The following RNF213 variants were observed in gnomAD, a reference collection of about 807,000 sequenced individuals.
The protein encoded by RNF213 is ring finger protein 213.
In RNF213, 341 loss-of-function variants were observed where a neutral mutation model predicts 514.4. That is an observed-to-expected ratio of 0.66 (90% CI 0.61 to 0.73). RNF213 has a LOEUF of 0.73. RNF213 is among the 30% of genes least tolerant of loss of function. The pLI, the probability that RNF213 is intolerant of heterozygous loss-of-function variation, is 0.00. For synonymous variants in RNF213, 2,655 were observed against 2,658.2 expected (o/e 1.00, Z 0.04); for missense variants, 5,767 against 6,615.6 (o/e 0.87, Z 4.45).
chr17:80,364,964 G>A (rs1353573536), intron 42 of RNF213: 1 of 301,496 alleles, frequency 3.3e-6, no homozygotes, highest in African/African-American at 2.2e-5. Context: ...CCGGGGTTTG[G>A]GGTCTTCAAA....
chr17:80,309,922 A>C (rs1430045422), intron 14 of RNF213, among the ~76,000 whole-genome samples: 2 of 151,616 alleles, frequency 1.3e-5, no homozygotes, highest in African/African-American at 4.9e-5. Context: ...CGCCTGGCTA[A>C]TTTTTGTATT....
At chr17:80,367,534 G>A (rs1292897704) in intron 42 of RNF213, among the ~76,000 whole-genome samples, 3 of 152,164 alleles carry the variant, frequency 2.0e-5, no homozygotes, top group East Asian at 1.9e-4. Flanking sequence ...AGGGAAAATC[G>A]TAACTTGAGA....
At chr17:80,292,964 G>T (rs1253023307) in intron 8 of RNF213, among the ~76,000 whole-genome samples, 1 of 152,126 alleles carries the variant, frequency 6.6e-6, no homozygotes, top group Non-Finnish European at 1.5e-5. Context: ...AGATACAGAA[G>T]AATGTAAATT....
chr17:80,347,562 A>G lies in RNF213; in HGVS notation c.9227A>G (p.Lys3076Arg), dbSNP rs985177880. Residue 3076 changes from lysine (K) to arginine (R), a missense_variant, in exon 29 of 68, where the codon AAG becomes AGG. Physicochemically the swap from Lys to Arg is conservative, Grantham distance 26. Coordinates refer to ENST00000582970, the MANE Select transcript of RNF213 (RefSeq NM_001256071.3). The surrounding 1 kb of genome is among the most constrained non-coding windows in gnomAD (Gnocchi z 7.2). ...PEIIFGSGFP[K>R]DQEYTQLCRN... The stretch of plus-strand genomic sequence containing the variant: ...ATTATTTTTGGTTCTGGTTTCCCCA[A>G]GGACCAAGAGTACACCCAGCTCTGC... The G allele has an allele frequency of 6.8e-6, 11 of 1,614,056 alleles. No homozygotes were observed. Among genetic ancestry groups the G allele is most frequent in the Non-Finnish European group, 9.3e-6 (11 of 1,180,048 alleles).
At position 80,343,374 on chromosome 17, in the gene RNF213, T is replaced by G; in HGVS notation, c.6183+49T>G. On this transcript the variant is annotated intron_variant, in intron 27 of 67. Transcript: ENST00000582970. The surrounding 1 kb of genome is among the most constrained non-coding windows in gnomAD (Gnocchi z 4.3). ...GATGGCCACATCAGTAAAGACGTGGTCCCCATGTCTCTGCGTGACTCCTCC... is the reference window on the plus strand; with the variant it reads ...GATGGCCACATCAGTAAAGACGTGGGCCCCATGTCTCTGCGTGACTCCTCC... The G allele has an allele frequency of 2.0e-6, 3 of 1,469,648 alleles. No individual in the cohort carries two copies. The highest frequency in any genetic ancestry group is 2.8e-6 in the Non-Finnish European group (3 of 1,059,538). 91.0% of individuals were successfully genotyped at this position (1,469,648 alleles called of 1,614,324 possible).
Position 80,317,293 on chromosome 17 carries a change from G to C in RNF213, c.2901+16G>C, listed in dbSNP as rs796464151. 3 of 1,610,018 alleles carry C rather than the reference G, an allele frequency of 1.9e-6. No individual in the cohort carries two copies. In the African/African-American group the frequency reaches 4.0e-5, roughly 21 times the overall value. ...GCTCACAAAGGTACCAAAAGTTTGG[G>C]GGCAGTCTTTTCAGGGCGTGAAGGC... On this transcript the variant is annotated intron_variant, in intron 16 of 67. Transcript: ENST00000582970. This position sits in a 1 kb window ranked among gnomAD's most constrained non-coding sequence, Gnocchi z 4.1.
Position 80,377,859 on chromosome 17 carries a change from G to A in RNF213, c.13545+63G>A. On this transcript the variant is annotated intron_variant, in intron 54 of 67. Coordinates refer to ENST00000582970, the MANE Select transcript of RNF213 (RefSeq NM_001256071.3). This position sits in a 1 kb window ranked among gnomAD's most constrained non-coding sequence, Gnocchi z 4.1. ...CGTGCACTCCTGGGTTGGAGGAGGG[G>A]GATCGTGGGTCAGGAGAGTGAGGCT... is the stretch of plus-strand genomic sequence containing the variant. 1.9e-6 allele frequency: 3 copies of A among 1,578,348 alleles called. No individual in the cohort carries two copies. Among genetic ancestry groups the A allele is most frequent in the Non-Finnish European group, 2.6e-6 (3 of 1,147,724 alleles).
chr17:80,330,601 C>T (rs2046387785), intron 20 of RNF213, among the ~76,000 whole-genome samples: 2 of 152,224 alleles, frequency 1.3e-5, no homozygotes, highest in African/African-American at 4.8e-5. Context: ...CATCCTCCTT[C>T]CCCCTGAGAT....
At chr17:80,309,973 C>T (rs1353735194) in intron 14 of RNF213, among the ~76,000 whole-genome samples, 1 of 152,056 alleles carries the variant, frequency 6.6e-6, no homozygotes, top group African/African-American at 2.4e-5. Context: ...CCAGGATGGT[C>T]TCGATCTCAT....
In RNF213 at chr17:80,352,959, C is replaced by G. The variant is rs1249035482; in HGVS notation, c.10323C>G (p.His3441Gln). The G allele has an allele frequency of 6.2e-7, 1 of 1,613,924 alleles. No individual in the cohort carries two copies. The part of the protein sequence containing the change: ...GFHGGLWQSV[H>Q]IDDLRRSTLM... ...TCACAGGGCTGTGGCAGTCTGTCCA[C>G]ATCGATGACCTCCGGAGATCCACCC... is the stretch of plus-strand genomic sequence containing the variant. Residue 3441 changes from histidine (H) to glutamine (Q), a missense_variant, in exon 33 of 68, where the codon CAC becomes CAG. Physicochemically the swap from His to Gln is conservative, Grantham distance 24 (BLOSUM62 0). Coordinates refer to ENST00000582970, the MANE Select transcript of RNF213 (RefSeq NM_001256071.3).
At chr17:80,307,662 T>C (rs1333898378) in intron 13 of RNF213, among the ~76,000 whole-genome samples, 1 of 150,470 alleles carries the variant, frequency 6.6e-6, no homozygotes, top group Non-Finnish European at 1.5e-5. Context: ...TGATTCTCCT[T>C]CCTCAGCCTC....
Position 80,353,166 on chromosome 17 carries a change from T to A in RNF213, c.10423+107T>A. On this transcript the variant is annotated intron_variant, in intron 33 of 67. Transcript: ENST00000582970. The surrounding 1 kb of genome is among the most constrained non-coding windows in gnomAD (Gnocchi z 5.0). ...CTAGGAGCAGGGCCACCGTGTTTCG[T>A]CCCTCGGCAGGAGCTCGGGGACACA... The A allele has an allele frequency of 1.3e-6, 2 of 1,500,300 alleles. No homozygotes were observed. The highest frequency in any genetic ancestry group is 1.8e-6 in the Non-Finnish European group (2 of 1,092,928). The allele number at this position is 1,500,300 out of a possible 1,614,324, so 92.9% of individuals were successfully genotyped here.
At chr17:80,302,791 T>A (rs760117021) in intron 11 of RNF213, among the ~76,000 whole-genome samples, 3 of 151,718 alleles carry the variant, frequency 2.0e-5, no homozygotes, top group Non-Finnish European at 4.4e-5. Flanking sequence ...GCCAGGGAGG[T>A]CAAGGCTGCA....
chr17:80,277,079 A>G (rs914867539), intron 3 of RNF213, among the ~76,000 whole-genome samples: 3 of 151,994 alleles, frequency 2.0e-5, no homozygotes, highest in South Asian at 2.1e-4. Context: ...CAAACCAAAA[A>G]AAAAACAAAA....
chr17:80,334,558 G>A (rs2077929072), intron 22 of RNF213, among the ~76,000 whole-genome samples: 2 of 151,782 alleles, frequency 1.3e-5, no homozygotes, highest in Non-Finnish European at 2.9e-5. Flanking sequence ...GCCCCCTTCA[G>A]CTTTTTCTTC....
intron 2 of RNF213, among the ~76,000 whole-genome samples, chr17:80,269,792 A>C (rs2043758813): frequency 6.6e-6 from 1 of 152,076 alleles, no homozygotes; most frequent in Non-Finnish European, 1.5e-5. Flanking sequence ...CTACCTATCT[A>C]CCTGTCTACC....
intron 17 of RNF213, chr17:80,319,830 C>A: frequency 7.5e-6 from 9 of 1,205,148 alleles, no homozygotes; most frequent in Non-Finnish European, 9.4e-6. Context: ...GAGGAAGCTC[C>A]CTGCTGGCCA....
chr17:80,319,858 T>C (rs1046463064), intron 17 of RNF213: 1 of 1,163,370 alleles, frequency 8.6e-7, no homozygotes, highest in African/African-American at 1.6e-5. Flanking sequence ...CCTGCTCACA[T>C]TTCCTAATTG....
chr17:80,368,485 T>A (rs1433685355), intron 44 of RNF213, among the ~76,000 whole-genome samples: 3 of 147,138 alleles, frequency 2.0e-5, no homozygotes, highest in Non-Finnish European at 4.5e-5. Flanking sequence ...CAGGCTGGAG[T>A]ACAGTGGCAC....
Sources: allele counts gnomAD v4.1 joint callset (sites outside exome capture counted in the v4.1 genomes callset), GRCh38; gene constraint gnomAD v4.1.1; non-coding constraint Gnocchi (gnomAD v3.1); transcripts MANE v1.5; gene names NCBI Gene and HGNC (gene_info 2026-07-23, HGNC 2026-07-21).